Variants in DCAF17 observed in about 807,000 individuals in gnomAD.
DCAF17 encodes DDB1 and CUL4 associated factor 17.
Under a neutral mutation model 66.0 loss-of-function variants are expected in DCAF17, and 48 were observed. That is an observed-to-expected ratio of 0.73 (90% CI 0.58 to 0.92). The LOEUF is 0.92. Ranked by LOEUF, DCAF17 falls within the 40% of genes least tolerant of loss-of-function variation. The probability of loss-of-function intolerance (pLI) is 0.00; values close to 1 mark genes in which losing one functional copy is unlikely to be tolerated. For synonymous variants in DCAF17, 206 were observed against 214.6 expected (o/e 0.96, Z 0.35); for missense variants, 562 against 622.8 (o/e 0.90, Z 1.04).
chr2:171,456,314 A>G (rs1695258239), intron 6 of DCAF17, among the ~76,000 whole-genome samples: 1 of 152,144 alleles, frequency 6.6e-6, no homozygotes, highest in Non-Finnish European at 1.5e-5. Flanking sequence ...AGATAGTTAC[A>G]GGTGTGCAGT....
Position 171,481,368 on chromosome 2 carries a change from C to T in DCAF17, c.*254C>T, listed in dbSNP as rs1559295825. ...TGCAGCTTTGAGCTAGGTGGTAATGCAAATATAAAATGCTGGGAACAGAAA... is the reference window on the plus strand; with the variant it reads ...TGCAGCTTTGAGCTAGGTGGTAATGTAAATATAAAATGCTGGGAACAGAAA... On this transcript the variant is annotated 3_prime_UTR_variant, in exon 14 of 14. Transcript: ENST00000375255. 1.8e-6 allele frequency: 1 copy of T among 556,500 alleles called. No homozygotes were observed. The highest frequency in any genetic ancestry group is 4.2e-5 in the East Asian group (1 of 23,892). The allele number at this position is 556,500 out of a possible 1,614,324, so 34.5% of individuals were successfully genotyped here.
At chr2:171,441,508 G>A (rs894553921) in intron 2 of DCAF17, among the ~76,000 whole-genome samples, 1 of 152,168 alleles carries the variant, frequency 6.6e-6, no homozygotes, top group Non-Finnish European at 1.5e-5. Context: ...TGGAAGAAGG[G>A]ACCCCCACCT....
intron 9 of DCAF17, among the ~76,000 whole-genome samples, chr2:171,469,280 A>G (rs1696099431): frequency 1.3e-5 from 2 of 152,170 alleles, no homozygotes; most frequent in South Asian, 4.1e-4. Flanking sequence ...AATCTCACCA[A>G]TCTCCCAGCA....
rs1694854844 is a variant in DCAF17 at position 171,449,975 on chromosome 2, T to G, written c.537+18T>G. 1 of 1,591,212 alleles carries G rather than the reference T, an allele frequency of 6.3e-7. No individual in the cohort carries two copies. The highest frequency in any genetic ancestry group is 1.3e-5 in the African/African-American group (1 of 74,416). On this transcript the variant is annotated intron_variant, in intron 5 of 13. Transcript: ENST00000375255. ...CCCGGCAGGTATACATATTTAAACA[T>G]TCAATAAAATGAAGACTCTTTTTCA... is the stretch of plus-strand genomic sequence containing the variant.
At chr2:171,435,886 A>G (rs924499048) in intron 2 of DCAF17, among the ~76,000 whole-genome samples, 2 of 152,238 alleles carry the variant, frequency 1.3e-5, no homozygotes, top group African/African-American at 4.8e-5. Context: ...GTTCAATAAT[A>G]TTTAATGCAT....
chr2:171,463,190 A>C (rs372199991), intron 8 of DCAF17, among the ~76,000 whole-genome samples: 1 of 151,214 alleles, frequency 6.6e-6, no homozygotes, highest in Non-Finnish European at 1.5e-5. Context: ...AGACTGCGCC[A>C]CTGCACTCCA....
At position 171,483,266 on chromosome 2, in the gene DCAF17, T is replaced by G. The variant is rs745500589; in HGVS notation, c.*2152T>G. ...TAAACCCCCTCTTTACCTGATATTT[T>G]AATTCGAGACTCTAGCTACATGCCC... On this transcript the variant is annotated 3_prime_UTR_variant, in exon 14 of 14. Coordinates refer to ENST00000375255, the MANE Select transcript of DCAF17 (RefSeq NM_025000.4). 1.8e-5 allele frequency: 8 copies of G among 453,968 alleles called. No individual in the cohort carries two copies. The highest frequency in any genetic ancestry group is 3.5e-5 in the Non-Finnish European group (8 of 226,784). 28.1% of individuals were successfully genotyped at this position (453,968 alleles called of 1,614,324 possible).
At chr2:171,480,306 A>T in intron 13 of DCAF17, 113 bp downstream of exon 13, 1 of 1,354,004 alleles carries the variant, frequency 7.4e-7, no homozygotes, top group Non-Finnish European at 1.0e-6. Context: ...GCCAATGACC[A>T]TGTGAAAGAG....
At position 171,434,372 on chromosome 2, in the gene DCAF17, C is replaced by G. The variant is rs886055103; in HGVS notation, c.-206C>G. On this transcript the variant is annotated 5_prime_UTR_variant, in exon 1 of 14. Transcript: ENST00000375255. The stretch of plus-strand genomic sequence containing the variant: ...GAAAAGGGAGTGCTTCTTCCCTTCT[C>G]TCCGCGCTCTGGCGGTGCAAGCGGC... The G allele has an allele frequency of 2.3e-6, 2 of 864,896 alleles. No homozygotes were observed. The highest frequency in any genetic ancestry group is 3.7e-6 in the Non-Finnish European group (2 of 541,234). 53.6% of individuals were successfully genotyped at this position (864,896 alleles called of 1,614,324 possible).
At chr2:171,443,707 A>G in intron 3 of DCAF17, 94 bp downstream of exon 3, 1 of 962,422 alleles carries the variant, frequency 1.0e-6, no homozygotes, top group Middle Eastern at 2.4e-4. Context: ...ATACAACTTA[A>G]ATATCATAGT....
intron 8 of DCAF17, among the ~76,000 whole-genome samples, chr2:171,462,233 TA>T (rs1360122326): frequency 6.6e-6 from 1 of 152,044 alleles, no homozygotes; most frequent in East Asian, 1.9e-4. Flanking sequence ...TTTGATTATA[TA>T]AAAATAAAAT....
At chr2:171,467,916 C>A (rs1696016670) in intron 8 of DCAF17, among the ~76,000 whole-genome samples, 1 of 151,968 alleles carries the variant, frequency 6.6e-6, no homozygotes, top group African/African-American at 2.4e-5. Context: ...TAACATGTGA[C>A]TCTTACACGA....
intron 10 of DCAF17, among the ~76,000 whole-genome samples, chr2:171,475,882 G>T (rs2105807131): frequency 6.6e-6 from 1 of 152,306 alleles, no homozygotes; most frequent in Non-Finnish European, 1.5e-5. Context: ...AATGAAATAA[G>T]ATTATTTTTA....
At chr2:171,473,062 A>G (rs972915785) in intron 9 of DCAF17, 3 of 172,898 alleles carry the variant, frequency 1.7e-5, no homozygotes, top group African/African-American at 7.2e-5. Flanking sequence ...AAAGCTAAGC[A>G]GTATTAGATC....
rs1009180303 is a variant in DCAF17, at chr2:171,482,881, A to T, written c.*1767A>T. 1 of 453,950 alleles carries T rather than the reference A, an allele frequency of 2.2e-6. No homozygotes were observed. The highest frequency in any genetic ancestry group is 2.0e-5 in the African/African-American group (1 of 49,992). 28.1% of individuals were successfully genotyped at this position (453,950 alleles called of 1,614,324 possible). ...ACCCCCAGTATGTCACCACTGCCTA[A>T]ATCTAACTAGACCAGGGTCCAAATG... On this transcript the variant is annotated 3_prime_UTR_variant, in exon 14 of 14. Transcript: ENST00000375255.
At chr2:171,474,034 A>G in intron 10 of DCAF17, 59 bp downstream of exon 10, 6 of 1,446,078 alleles carry the variant, frequency 4.1e-6, no homozygotes, top group Non-Finnish European at 5.8e-6. Flanking sequence ...ATTTATTGGC[A>G]TCTTTATTTT....
At chr2:171,460,449 A>C (rs1474844824) in intron 8 of DCAF17, among the ~76,000 whole-genome samples, 2 of 151,782 alleles carry the variant, frequency 1.3e-5, no homozygotes, top group Admixed American at 6.6e-5. Flanking sequence ...ATTTGGGATC[A>C]GAATTTTAGT....
intron 2 of DCAF17, among the ~76,000 whole-genome samples, chr2:171,439,117 C>CT (rs1389939106): frequency 1.3e-5 from 2 of 151,842 alleles, no homozygotes; most frequent in African/African-American, 4.8e-5. Flanking sequence ...AGTTAAGGTG[C>CT]TTTTTTTTCA....
At chr2:171,440,572 T>A (rs1694250545) in intron 2 of DCAF17, among the ~76,000 whole-genome samples, 2 of 152,204 alleles carry the variant, frequency 1.3e-5, no homozygotes, top group South Asian at 4.1e-4. Flanking sequence ...AGACAGTGTC[T>A]CAAAAAATTT....
Sources: gnomAD v4.1 joint callset for allele counts (sites outside exome capture counted in the v4.1 genomes callset) on GRCh38, gnomAD v4.1.1 for gene constraint, MANE v1.5 for transcripts, NCBI Gene and HGNC (gene_info 2026-07-23, HGNC 2026-07-21) for gene names.